CRB1: variants seen among roughly 807,000 people sequenced by gnomAD.
CRB1 encodes protein crumbs homolog 1.
CRB1 carries 83 observed loss-of-function variants against 120.0 expected under a neutral mutation model. That is an observed-to-expected ratio of 0.69 (90% CI 0.58 to 0.83). The LOEUF is 0.83. Among genes scored for constraint, CRB1 ranks in the 40% least tolerant of loss-of-function variants. The pLI is 0.00. For synonymous variants in CRB1, 625 were observed against 612.5 expected (o/e 1.02, Z -0.30); for missense variants, 1,699 against 1,687.6 (o/e 1.01, Z -0.12).
chr1:197,237,337 G>A, the CRB1 span, among the ~76,000 whole-genome samples: 2 of 152,082 alleles, frequency 1.3e-5, no homozygotes, highest in African/African-American at 4.8e-5. Flanking sequence ...GAAGATCAAG[G>A]CACCAGCAAA....
At chr1:197,266,866 G>A (rs1654656448), upstream of CRB1, among the ~76,000 whole-genome samples, 1 of 151,838 alleles carries the variant, frequency 6.6e-6, no homozygotes, top group Admixed American at 6.6e-5. Context: ...CTATCAATCG[G>A]CCTTCCATGT....
chr1:197,391,130 T>C (rs1662485353), intron 5 of CRB1, among the ~76,000 whole-genome samples: 1 of 152,148 alleles, frequency 6.6e-6, no homozygotes, highest in Non-Finnish European at 1.5e-5. Flanking sequence ...ATTCCTTTTA[T>C]GGCATATTAG....
intron 1 of CRB1, among the ~76,000 whole-genome samples, chr1:197,326,154 C>A (rs555007374): frequency 1.3e-5 from 2 of 152,192 alleles, no homozygotes; most frequent in African/African-American, 4.8e-5. Context: ...AAGGTAAGAG[C>A]TATGGCTTTG....
At chr1:197,234,252 G>A in the CRB1 span, among the ~76,000 whole-genome samples, 1 of 152,176 alleles carries the variant, frequency 6.6e-6, no homozygotes, top group Non-Finnish European at 1.5e-5. Context: ...TAGAATAAAG[G>A]GAAAGTGGTG....
chr1:197,384,072 C>A (rs1210537024), intron 5 of CRB1, among the ~76,000 whole-genome samples: 1 of 152,126 alleles, frequency 6.6e-6, no homozygotes, highest in Non-Finnish European at 1.5e-5. Context: ...AAATTAGTTA[C>A]CAACATCCTT....
chr1:197,221,974 G>A, the CRB1 span, among the ~76,000 whole-genome samples: 1,052 of 152,176 alleles, frequency 6.9e-3, 9 homozygotes, highest in African/African-American at 0.023. Context: ...TTTGCTCACA[G>A]GAATATCTAT....
At chr1:197,363,431 T>G (rs947541979) in intron 5 of CRB1, among the ~76,000 whole-genome samples, 2 of 152,206 alleles carry the variant, frequency 1.3e-5, no homozygotes, top group Non-Finnish European at 2.9e-5. Flanking sequence ...AGAATGTGTT[T>G]ATTGCACATT....
intron 5 of CRB1, among the ~76,000 whole-genome samples, chr1:197,394,510 T>A (rs1662675062): frequency 6.6e-6 from 1 of 152,068 alleles, no homozygotes; most frequent in Admixed American, 6.6e-5. Flanking sequence ...ACCTTTTATA[T>A]CTACATACCA....
chr1:197,255,556 T>G, the CRB1 span, among the ~76,000 whole-genome samples: 1 of 152,070 alleles, frequency 6.6e-6, no homozygotes, highest in Non-Finnish European at 1.5e-5. Flanking sequence ...GCATTAGTAA[T>G]TATAAGAAGG....
At chr1:197,456,389 TTTTG>T (rs1164377045) in intron 11 of CRB1, among the ~76,000 whole-genome samples, 1 of 152,118 alleles carries the variant, frequency 6.6e-6, no homozygotes, top group Non-Finnish European at 1.5e-5. Flanking sequence ...GCTTTGAGAA[TTTTG>T]TTTTTGTGTG....
At chr1:197,446,955 A>T (rs1665730512) in intron 11 of CRB1, among the ~76,000 whole-genome samples, 1 of 152,234 alleles carries the variant, frequency 6.6e-6, no homozygotes, top group South Asian at 2.1e-4. Flanking sequence ...GATATATATT[A>T]TAGATCTATT....
chr1:197,456,740 A>G (rs1157654681), intron 11 of CRB1, among the ~76,000 whole-genome samples: 1 of 152,174 alleles, frequency 6.6e-6, no homozygotes, highest in Non-Finnish European at 1.5e-5. Context: ...CCTAGCTCAG[A>G]GCTTTGCCTG....
chr1:197,398,083 T>C (rs1211773909), intron 5 of CRB1, among the ~76,000 whole-genome samples: 2 of 152,222 alleles, frequency 1.3e-5, no homozygotes, highest in African/African-American at 4.8e-5. Flanking sequence ...AAAACTCATT[T>C]TGTTAAGGTC....
At chr1:197,443,592 G>GT (rs1239958358) in intron 11 of CRB1, 1 of 151,532 alleles carries the variant, frequency 6.6e-6, no homozygotes, top group Non-Finnish European at 1.5e-5. Flanking sequence ...TAGAAGCATG[G>GT]TTTTCTAAGA....
intron 4 of CRB1, among the ~76,000 whole-genome samples, chr1:197,347,912 TTATC>T (rs2125334234): frequency 6.6e-6 from 1 of 152,284 alleles, no homozygotes; most frequent in Admixed American, 6.5e-5. Flanking sequence ...AAAAAGTTAA[TTATC>T]TATAAACCAT....
chr1:197,271,079 G>A (rs1432329699), intron 1 of CRB1, among the ~76,000 whole-genome samples: 2 of 152,158 alleles, frequency 1.3e-5, no homozygotes, highest in Middle Eastern at 3.4e-3. Flanking sequence ...TGTGCCTGTA[G>A]TCTCAGCTAC....
At chr1:197,448,560 C>T (rs970898639) in intron 11 of CRB1, among the ~76,000 whole-genome samples, 59 of 152,292 alleles carry the variant, frequency 3.9e-4, no homozygotes, top group African/African-American at 1.2e-3. Flanking sequence ...AAACTTTGCA[C>T]CTCCCTTTGA....
intron 8 of CRB1, among the ~76,000 whole-genome samples, chr1:197,433,563 A>T (rs547495249): frequency 6.6e-6 from 1 of 152,212 alleles, no homozygotes; most frequent in African/African-American, 2.4e-5. Context: ...GACCATGGGG[A>T]TATAAAATTA....
intron 1 of CRB1, among the ~76,000 whole-genome samples, chr1:197,327,900 C>A (rs545144547): frequency 6.6e-6 from 1 of 151,978 alleles, no homozygotes; most frequent in African/African-American, 2.4e-5. Context: ...TTCTGCTGCT[C>A]TTAAAAAGAA....
Sources: allele counts gnomAD v4.1 joint callset (sites outside exome capture counted in the v4.1 genomes callset), GRCh38; gene constraint gnomAD v4.1.1; transcripts MANE v1.5; gene names NCBI Gene and HGNC (gene_info 2026-07-23, HGNC 2026-07-21).